The following OSBPL1A variants were observed in gnomAD, a reference collection of about 807,000 sequenced individuals.
OSBPL1A encodes the protein oxysterol binding protein like 1A, also known as oxysterol-binding protein-related protein 1.
In OSBPL1A, 80 loss-of-function variants were observed where a neutral mutation model predicts 137.1. That is an observed-to-expected ratio of 0.58 (90% CI 0.49 to 0.70). The LOEUF (loss-of-function observed/expected upper bound fraction) is 0.70. OSBPL1A is among the 30% of genes least tolerant of loss of function. OSBPL1A has a pLI of 0.00. For synonymous variants in OSBPL1A, 365 were observed against 389.7 expected (o/e 0.94, Z 0.75); for missense variants, 970 against 1,129.4 (o/e 0.86, Z 2.02).
chr18:24,243,590 A>G (rs1015343849), intron 15 of OSBPL1A, among the ~76,000 whole-genome samples: 4 of 152,178 alleles, frequency 2.6e-5, no homozygotes, highest in African/African-American at 9.6e-5. Context: ...TCAAAATGCA[A>G]TCTACCCGTT....
chr18:24,221,426 T>C (rs2087885423), intron 17 of OSBPL1A, among the ~76,000 whole-genome samples: 1 of 152,212 alleles, frequency 6.6e-6, no homozygotes, highest in African/African-American at 2.4e-5. Flanking sequence ...TAGCCACATT[T>C]ATTACAGAAG....
chr18:24,342,242 A>G (rs1314037350), intron 4 of OSBPL1A, among the ~76,000 whole-genome samples: 2 of 152,168 alleles, frequency 1.3e-5, no homozygotes, highest in African/African-American at 4.8e-5. Flanking sequence ...TATATTACAT[A>G]TTTTTATTTA....
At position 24,331,597 on chromosome 18, in the gene OSBPL1A, C is replaced by T. The variant is rs551842042; in HGVS notation, c.625+1345G>A. 1.4e-4 allele frequency among the ~76,000 whole-genome samples: 21 copies of T among 147,416 alleles called. No individual in the cohort carries two copies. In the South Asian group the frequency reaches 4.1e-3, roughly 29 times the overall value. ...ATTTTTAGTAGAGACGGGGTTTCAC[C>T]GTGTTAGCCAGGATGGTCTCGATCT... On this transcript the variant is annotated intron_variant, in intron 7 of 27. Coordinates refer to ENST00000319481, the MANE Select transcript of OSBPL1A (RefSeq NM_080597.4).
chr18:24,209,071 C>A (rs969000120), intron 17 of OSBPL1A, among the ~76,000 whole-genome samples: 1 of 152,058 alleles, frequency 6.6e-6, no homozygotes, highest in African/African-American at 2.4e-5. Flanking sequence ...AAGTGGACTT[C>A]ATTAAAATTA....
intron 18 of OSBPL1A, among the ~76,000 whole-genome samples, chr18:24,195,532 G>A (rs1048791448): frequency 2.0e-5 from 3 of 152,092 alleles, no homozygotes; most frequent in African/African-American, 4.8e-5. Flanking sequence ...CATGTTCGGT[G>A]GTCCAAGGTC....
intron 15 of OSBPL1A, among the ~76,000 whole-genome samples, chr18:24,256,404 T>A (rs969383893): frequency 2.0e-5 from 3 of 152,096 alleles, no homozygotes; most frequent in African/African-American, 7.2e-5. Context: ...TGAAAATGTA[T>A]TTGATAAAAT....
intron 4 of OSBPL1A, among the ~76,000 whole-genome samples, chr18:24,347,420 G>A (rs1354756483): frequency 1.3e-5 from 2 of 152,102 alleles, no homozygotes; most frequent in African/African-American, 2.4e-5. Flanking sequence ...CTTGACCTCA[G>A]GCGATCCGCC....
At chr18:24,311,953 T>C (rs1269431498) in intron 13 of OSBPL1A, 31 bp downstream of exon 13, 1 of 1,612,804 alleles carries the variant, frequency 6.2e-7, no homozygotes, top group Non-Finnish European at 8.5e-7. Flanking sequence ...CATAGATAGC[T>C]ATAAAGGTCA....
At chr18:24,381,351 C>T (rs144533022) in intron 1 of OSBPL1A, among the ~76,000 whole-genome samples, 1 of 152,246 alleles carries the variant, frequency 6.6e-6, no homozygotes, top group Non-Finnish European at 1.5e-5. Context: ...AGATGAGGAA[C>T]CTGATCAGAT....
At chr18:24,279,390 C>T (rs1353600772) in intron 15 of OSBPL1A, among the ~76,000 whole-genome samples, 1 of 151,846 alleles carries the variant, frequency 6.6e-6, no homozygotes, top group Non-Finnish European at 1.5e-5. Flanking sequence ...GACTGCGCTA[C>T]TGTACTCCAG....
chr18:24,331,506 C>T (rs1416502211), intron 7 of OSBPL1A, among the ~76,000 whole-genome samples: 54 of 147,318 alleles, frequency 3.7e-4, no homozygotes, highest in Middle Eastern at 3.2e-3. Flanking sequence ...ACGCCATTCT[C>T]CTGCCTCAGC....
chr18:24,206,841 C>T (rs553638386), intron 17 of OSBPL1A, among the ~76,000 whole-genome samples: 2 of 152,306 alleles, frequency 1.3e-5, no homozygotes, highest in African/African-American at 4.8e-5. Context: ...TCCCTACCTT[C>T]ATTCATTCCC....
At chr18:24,262,054 A>C (rs901734015) in intron 15 of OSBPL1A, among the ~76,000 whole-genome samples, 1 of 152,170 alleles carries the variant, frequency 6.6e-6, no homozygotes, top group Non-Finnish European at 1.5e-5. Context: ...ATAAGCTCTA[A>C]AATAGCTTTC....
intron 4 of OSBPL1A, among the ~76,000 whole-genome samples, chr18:24,359,186 C>T (rs1395801667): frequency 2.0e-5 from 3 of 151,950 alleles, no homozygotes; most frequent in Non-Finnish European, 4.4e-5. Context: ...CCACTGTACT[C>T]CAGCCTTGGC....
Position 24,171,463 on chromosome 18 carries a change from C to T in OSBPL1A, c.2237G>A (p.Cys746Tyr). The change falls in exon 23 of 28, where the codon TGT becomes TAT. Residue 746 changes from cysteine to tyrosine, a missense_variant. By Grantham distance (194) the Cys-to-Tyr change is radical. Around this residue, in one of 2 missense-constraint regions of OSBPL1A, gnomAD observed 323 missense variants for 456.8 expected, o/e 0.71. Transcript: ENST00000319481. ...GDKCVLNFKPCGLFGKELHKV... is the reference protein window; with the variant it reads ...GDKCVLNFKPYGLFGKELHKV... ...GTGTAATTCCTTACCAAAAAGGCCACATGGCTTAAAATTCAACACACATTT... is the reference window on the plus strand; with the variant it reads ...GTGTAATTCCTTACCAAAAAGGCCATATGGCTTAAAATTCAACACACATTT... The T allele has an allele frequency of 6.2e-7, 1 of 1,613,778 alleles. No individual in the cohort carries two copies. The highest frequency in any genetic ancestry group is 8.5e-7 in the Non-Finnish European group (1 of 1,179,792).
Position 24,170,419 on chromosome 18 carries a change from T to C in OSBPL1A, c.2326A>G (p.Thr776Ala). Residue 776 changes from threonine to alanine, a missense_variant, in exon 24 of 28, where the codon ACT (threonine) becomes GCT (alanine). Physicochemically the swap from Thr to Ala is moderately conservative, Grantham distance 58 (BLOSUM62 0). This residue lies in a region of OSBPL1A where 323 missense variants were observed against 456.8 expected (regional missense o/e 0.71). Coordinates refer to ENST00000319481, the MANE Select transcript of OSBPL1A (RefSeq NM_080597.4). ...KKLCALYGKW[T>A]ECLYSVDPAT... is the part of the protein sequence containing the mutation. ...GGGTCAACACTGTATAAACATTCAG[T>C]CCACTTCCCATAGAGGGCACAGAGC... 1 of 1,614,146 alleles carries C rather than the reference T, an allele frequency of 6.2e-7. No individual in the cohort carries two copies. The highest frequency in any genetic ancestry group is 8.5e-7 in the Non-Finnish European group (1 of 1,180,018).
At chr18:24,331,397 CT>C (rs1211637974) in intron 7 of OSBPL1A, among the ~76,000 whole-genome samples, 249 of 140,408 alleles carry the variant, frequency 1.8e-3, no homozygotes, top group Admixed American at 2.0e-3. Flanking sequence ...GCATGTTCCT[CT>C]TTTTTTTTTT....
intron 16 of OSBPL1A, 126 bp from the exon 17 acceptor site, chr18:24,225,324 A>C: frequency 1.1e-6 from 1 of 888,690 alleles, no homozygotes; most frequent in Non-Finnish European, 1.7e-6. Flanking sequence ...TCAACAATCC[A>C]TCTGTTAACT....
At chr18:24,183,230 T>C (rs1158946706) in intron 18 of OSBPL1A, among the ~76,000 whole-genome samples, 1 of 151,988 alleles carries the variant, frequency 6.6e-6, no homozygotes. Context: ...AAAAACTAAC[T>C]GGGAAATACA....
Sources: allele counts gnomAD v4.1 joint callset (sites outside exome capture counted in the v4.1 genomes callset), GRCh38; gene constraint gnomAD v4.1.1; regional missense constraint gnomAD v4.1.1; transcripts MANE v1.5; gene names NCBI Gene and HGNC (gene_info 2026-07-23, HGNC 2026-07-21).